Variants in HERC2 observed in about 807,000 individuals in gnomAD.
HERC2 encodes the protein HECT and RLD domain containing E3 ubiquitin protein ligase 2.
A neutral mutation model predicts 537.7 loss-of-function variants in HERC2; 102 were observed. That is an observed-to-expected ratio of 0.19 (90% confidence interval 0.16 to 0.22). The LOEUF (loss-of-function observed/expected upper bound fraction) is 0.22. Among genes scored for constraint, HERC2 ranks in the 10% least tolerant of loss-of-function variants. The pLI, the probability that HERC2 is intolerant of heterozygous loss-of-function variation, is 1.00. For synonymous variants in HERC2, 2,224 were observed against 2,466.2 expected (o/e 0.90, Z 2.91); for missense variants, 4,236 against 6,198.2 (o/e 0.68, Z 10.63).
intron 68 of HERC2, among the ~76,000 whole-genome samples, chr15:28,167,263 G>A (rs1430794470): frequency 8.5e-5 from 13 of 152,196 alleles, no homozygotes; most frequent in Admixed American, 5.9e-4. Context: ...TCAGCAATGC[G>A]TGAGTCCTAA....
intron 52 of HERC2, among the ~76,000 whole-genome samples, chr15:28,194,870 A>G (rs1029239691): frequency 6.6e-6 from 1 of 152,042 alleles, no homozygotes; most frequent in Non-Finnish European, 1.5e-5. Flanking sequence ...AGCCTGGCCA[A>G]CATGGTGAAA....
Position 28,139,158 on chromosome 15 carries a change from A to G in HERC2, c.12015+2274T>C, listed in dbSNP as rs563800808. On this transcript the variant is annotated intron_variant, in intron 78 of 92. Transcript: ENST00000261609. Reference sequence around the variant, plus strand: ...TGTGTTGATTTAGAACCAAGCCTGCATATCTCCAAGCATGCCTACAGCTCC... The same window carrying G: ...TGTGTTGATTTAGAACCAAGCCTGCGTATCTCCAAGCATGCCTACAGCTCC... Among the ~76,000 whole-genome samples the G allele has an allele frequency of 2.4e-3, 368 of 152,380 alleles. 8 individuals carry two copies. The South Asian group carries it at 0.033, about 14-fold the overall frequency.
Position 28,113,405 on chromosome 15 carries a change from G to A in HERC2, c.14020-122C>T, listed in dbSNP as rs1887868616. 3.4e-6 allele frequency: 4 copies of A among 1,169,164 alleles called. No individual in the cohort carries two copies. The Admixed American group carries it at 8.0e-5, about 23-fold the overall frequency. 72.4% of individuals were successfully genotyped at this position (1,169,164 alleles called of 1,614,324 possible). ...GGGTGGGGAAAGGTCTGGGGGCTCT[G>A]GGTGGGCCCACACACAGCCTCCTGC... On this transcript the variant is annotated intron_variant, in intron 91 of 92. Transcript: ENST00000261609. This position sits in a 1 kb window ranked among gnomAD's most constrained non-coding sequence, Gnocchi z 7.0.
At chr15:28,148,996 T>A (rs1221278630) in intron 70 of HERC2, among the ~76,000 whole-genome samples, 1 of 139,448 alleles carries the variant, frequency 7.2e-6, no homozygotes, top group Admixed American at 7.2e-5. Flanking sequence ...CACACACGGC[T>A]CCTAACCGAG....
chr15:28,265,153 T>C lies in HERC2; in HGVS notation c.1870+465A>G, dbSNP rs2075526996. On this transcript the variant is annotated intron_variant, in intron 14 of 92. Transcript: ENST00000261609. The surrounding 1 kb of genome is among the most constrained non-coding windows in gnomAD (Gnocchi z 4.0). ...CATTTCTAAAATATTAACATGACTT[T>C]AACCATCAAACCTCATCAGGTACCC... 6.6e-6 allele frequency among the ~76,000 whole-genome samples: 1 copy of C among 152,048 alleles called. No homozygotes were observed. Among genetic ancestry groups the C allele is most frequent in the Admixed American group, 6.6e-5 (1 of 15,264 alleles).
In HERC2 at chr15:28,256,167, G is replaced by A; in HGVS notation, c.2668C>T (p.Leu890=). 1 of 1,601,876 alleles carries A rather than the reference G, an allele frequency of 6.2e-7. No homozygotes were observed. Among genetic ancestry groups the A allele is most frequent in the Non-Finnish European group, 8.5e-7 (1 of 1,179,796 alleles). Residue 890 remains leucine, a synonymous_variant, in exon 18 of 93, where the codon CTG becomes TTG. Transcript: ENST00000261609. The part of the protein sequence containing the change: ...STVQSAAQAV[L]QSGWSVLLPT... ...AGCAGCACGGACCAGCCACTCTGCA[G>A]CACGGCCTGGGCGGCCGACTGCACG...
intron 72 of HERC2, 34 bp downstream of exon 72, chr15:28,144,639 A>C: frequency 6.2e-7 from 1 of 1,614,132 alleles, no homozygotes; most frequent in Non-Finnish European, 8.5e-7. Context: ...ACAGCCAGTC[A>C]TCTAACCTTG....
Position 28,220,406 on chromosome 15 carries a change from C to T in HERC2, c.5845+46G>A, listed in dbSNP as rs775132026. On this transcript the variant is annotated intron_variant, in intron 37 of 92. Coordinates refer to ENST00000261609, the MANE Select transcript of HERC2 (RefSeq NM_004667.6). ...ACAGTGGTGGCAGCCAGCACCTGGACAGTTTGTGGGCTGCCTTGGACTAAA... is the reference window on the plus strand; with the variant it reads ...ACAGTGGTGGCAGCCAGCACCTGGATAGTTTGTGGGCTGCCTTGGACTAAA... The T allele has an allele frequency of 3.2e-6, 5 of 1,555,200 alleles. No homozygotes were observed. In the East Asian group the frequency reaches 9.0e-5, roughly 28 times the overall value.
chr15:28,141,690 C>T (rs1431564284), intron 77 of HERC2, 41 bp downstream of exon 77: 1 of 1,610,430 alleles, frequency 6.2e-7, no homozygotes, highest in African/African-American at 1.3e-5. Context: ...CAGCCTCTCA[C>T]ACTCACGATC....
At chr15:28,300,410 T>C (rs2076588749) in intron 2 of HERC2, among the ~76,000 whole-genome samples, 1 of 149,798 alleles carries the variant, frequency 6.7e-6, no homozygotes, top group Non-Finnish European at 1.5e-5. Context: ...TAATGAAAAA[T>C]AAAATATTTA....
chr15:28,245,835 A>C (rs1171727032), intron 23 of HERC2, 46 bp downstream of exon 23: 1 of 1,489,302 alleles, frequency 6.7e-7, no homozygotes, highest in East Asian at 2.3e-5. Flanking sequence ...AGGTTAGACA[A>C]GGACAATAAA....
At chr15:28,201,257 G>A (rs1897876172) in intron 48 of HERC2, among the ~76,000 whole-genome samples, 199 bp downstream of exon 48, 1 of 152,176 alleles carries the variant, frequency 6.6e-6, no homozygotes, top group South Asian at 2.1e-4. Context: ...CTTTACTGTA[G>A]TCTGTTCTTT....
intron 23 of HERC2, among the ~76,000 whole-genome samples, chr15:28,244,114 T>C (rs915440563): frequency 1.3e-5 from 2 of 152,070 alleles, no homozygotes; most frequent in Non-Finnish European, 2.9e-5. Context: ...CAGTGAGCCA[T>C]GATTGCACCA....
At chr15:28,116,250 G>A (rs1479704878) in intron 88 of HERC2, among the ~76,000 whole-genome samples, 17 of 142,256 alleles carry the variant, frequency 1.2e-4, no homozygotes, top group Admixed American at 1.1e-3. Flanking sequence ...GATACAGAGT[G>A]TTGCCCAGGC....
chr15:28,220,410 T>C lies in HERC2; in HGVS notation c.5845+42A>G, dbSNP rs763866669. ...TGGTGGCAGCCAGCACCTGGACAGT[T>C]TGTGGGCTGCCTTGGACTAAACACC... On this transcript the variant is annotated intron_variant, in intron 37 of 92. Coordinates refer to ENST00000261609, the MANE Select transcript of HERC2 (RefSeq NM_004667.6). 23 of 1,577,888 alleles carry C rather than the reference T, an allele frequency of 1.5e-5. No homozygotes were observed. The East Asian group carries it at 4.7e-4, about 32-fold the overall frequency.
chr15:28,298,028 T>C (rs1241790307), intron 3 of HERC2, among the ~76,000 whole-genome samples: 8 of 145,616 alleles, frequency 5.5e-5, no homozygotes, highest in African/African-American at 2.1e-4. Context: ...TGTGTGTGTG[T>C]GTGTGTGTGT....
chr15:28,283,432 AC>A (rs557890840), intron 4 of HERC2, among the ~76,000 whole-genome samples: 240 of 152,336 alleles, frequency 1.6e-3, no homozygotes, highest in Non-Finnish European at 2.9e-3. Context: ...AGAACCATTA[AC>A]CCAGAATTCT....
At position 28,190,954 on chromosome 15, in the gene HERC2, T is replaced by C; in HGVS notation, c.8649+11A>G. The C allele has an allele frequency of 6.4e-7, 1 of 1,563,320 alleles. No individual in the cohort carries two copies. Among genetic ancestry groups the C allele is most frequent in the Non-Finnish European group, 8.8e-7 (1 of 1,133,652 alleles). On this transcript the variant is annotated intron_variant, in intron 55 of 92. Transcript: ENST00000261609. ...AAATCATCCAAATGGAACACTAGCA[T>C]AGCTACTTACCTCTGTGCAGTCATT...
chr15:28,244,057 T>C (rs982263669), intron 23 of HERC2, among the ~76,000 whole-genome samples: 1 of 151,984 alleles, frequency 6.6e-6, no homozygotes, highest in Non-Finnish European at 1.5e-5. Context: ...ATGCTTGCAG[T>C]CCCACGCAGG....
Sources: gnomAD v4.1 joint callset for allele counts (sites outside exome capture counted in the v4.1 genomes callset) on GRCh38, gnomAD v4.1.1 for gene constraint, Gnocchi (gnomAD v3.1) non-coding constraint, MANE v1.5 for transcripts, NCBI Gene and HGNC (gene_info 2026-07-23, HGNC 2026-07-21) for gene names.